Variants in CAPN13 observed in about 807,000 individuals in gnomAD.
The protein encoded by CAPN13 is calpain-13.
Under a neutral mutation model 98.4 loss-of-function variants are expected in CAPN13, and 90 were observed. The observed-to-expected ratio is 0.92, with a 90% confidence interval of 0.77 to 1.09. CAPN13 has a LOEUF of 1.09. CAPN13 is among the 50% of genes least tolerant of loss of function. The probability of loss-of-function intolerance (pLI) is 0.00; values close to 1 mark genes in which losing one functional copy is unlikely to be tolerated. For synonymous variants in CAPN13, 330 were observed against 305.5 expected, an observed-to-expected ratio of 1.08 and a Z score of -0.84; for missense variants, 887 against 841.3, an observed-to-expected ratio of 1.05 and a Z score of -0.67.
At chr2:30,753,220 C>T (rs543854282) in intron 9 of CAPN13, 22 bp from the exon 10 acceptor site, 2 of 1,613,018 alleles carry the variant, frequency 1.2e-6, no homozygotes, top group East Asian at 4.5e-5. Flanking sequence ...AGATATACAT[C>T]ACTCAGTGAC....
intron 18 of CAPN13, among the ~76,000 whole-genome samples, chr2:30,735,496 G>T (rs941602251): frequency 6.6e-6 from 1 of 152,218 alleles, no homozygotes; most frequent in African/African-American, 2.4e-5. Context: ...GAATTCATTC[G>T]TTCATTCGGA....
chr2:30,793,416 A>G (rs1014321281), intron 1 of CAPN13, among the ~76,000 whole-genome samples: 1 of 151,724 alleles, frequency 6.6e-6, no homozygotes, highest in Non-Finnish European at 1.5e-5. Flanking sequence ...AAAAACTATA[A>G]AACATTGCTG....
In CAPN13 at chr2:30,763,096, TCA is replaced by T. The variant is rs759647453; in HGVS notation, c.758_759del (p.Val253AspfsTer4). ...NGLVSLHAYTVTGAEQIQYRR... is the reference protein window; with the variant it reads ...NGLVSLHAYTXTGAEQIQYRR... ...GCCAGCCTTACCTGCTCAGCCCCAGTCACAGTGTAGGCATGGAGACTCACCAG... is the reference window on the plus strand; with the variant it reads ...GCCAGCCTTACCTGCTCAGCCCCAGTCAGTGTAGGCATGGAGACTCACCAG... On this transcript the variant is annotated frameshift_variant, in exon 7 of 23. Transcript: ENST00000295055. LOFTEE classifies it high-confidence loss of function. 5.3e-5 allele frequency: 85 copies of T among 1,609,846 alleles called. No homozygotes were observed. In the East Asian group the frequency reaches 1.8e-3, roughly 35 times the overall value.
chr2:30,781,403 C>T (rs749046892), intron 2 of CAPN13, among the ~76,000 whole-genome samples: 8 of 152,170 alleles, frequency 5.3e-5, no homozygotes, highest in African/African-American at 1.2e-4. Context: ...AACTGCATCA[C>T]GGAGCGCCCA....
At chr2:30,735,086 T>A (rs1671291602) in intron 18 of CAPN13, among the ~76,000 whole-genome samples, 1 of 152,212 alleles carries the variant, frequency 6.6e-6, no homozygotes, top group South Asian at 2.1e-4. Flanking sequence ...AGGTTAGAAT[T>A]GCTTCCTGGA....
At chr2:30,763,245 T>C in intron 6 of CAPN13, 89 bp from the exon 7 acceptor site, 1 of 1,168,564 alleles carries the variant, frequency 8.6e-7, no homozygotes, top group Non-Finnish European at 1.2e-6. Flanking sequence ...CACTGAGCCA[T>C]CTGGGCCTCA....
rs146207940 is a variant in CAPN13, at chr2:30,791,000, A to G, written c.-32-3643T>C. ...CTTAAAGACCTTATCTCTAGGTACA[A>G]TCATGTTGGGGGTTAGGGTTTCATA... On this transcript the variant is annotated intron_variant, in intron 1 of 22. Coordinates refer to ENST00000295055, the MANE Select transcript of CAPN13 (RefSeq NM_144575.3). Among the ~76,000 whole-genome samples the G allele has an allele frequency of 4.8e-3, 730 of 152,074 alleles. 10 individuals are homozygous for G. The highest frequency in any genetic ancestry group is 0.016 in the African/African-American group (658 of 41,444).
rs144234179 is a variant in CAPN13 at position 30,802,405 on chromosome 2, T to C, written c.-33+4897A>G. Among the ~76,000 whole-genome samples, 436 of 152,162 alleles carry C rather than the reference T, an allele frequency of 2.9e-3. 2 individuals carry two copies. The highest frequency in any genetic ancestry group is 0.017 in the Middle Eastern group (5 of 294). ...GTTTTTCAAAAACAAGAGCTTTCTA[T>C]ATTAAATATGTCAAAAAGCAACATG... On this transcript the variant is annotated intron_variant, in intron 1 of 22. Coordinates refer to ENST00000295055, the MANE Select transcript of CAPN13 (RefSeq NM_144575.3).
intron 22 of CAPN13, among the ~76,000 whole-genome samples, chr2:30,723,998 T>A (rs554804832): frequency 1.3e-5 from 2 of 152,354 alleles, no homozygotes; most frequent in African/African-American, 4.8e-5. Flanking sequence ...TTTACCTCCA[T>A]ATTTCTAGGT....
chr2:30,764,375 A>G, intron 5 of CAPN13, 69 bp from the exon 6 acceptor site: 1 of 1,532,052 alleles, frequency 6.5e-7, no homozygotes, highest in Non-Finnish European at 8.9e-7. Flanking sequence ...GAGCTTGTGC[A>G]CTGATCCTCT....
chr2:30,806,514 C>T lies in CAPN13; in HGVS notation c.-33+788G>A, dbSNP rs141102661. The stretch of plus-strand genomic sequence containing the variant: ...GATTGAAAGTCTAGTTAATGCCACT[C>T]GGGGGTAACCAAAGTTGTGTTTGTG... On this transcript the variant is annotated intron_variant, in intron 1 of 22. Transcript: ENST00000295055. Among the ~76,000 whole-genome samples the T allele has an allele frequency of 2.2e-4, 34 of 152,270 alleles. 1 individual carries two copies. Among genetic ancestry groups the T allele is most frequent in the Admixed American group, 1.7e-3 (26 of 15,294 alleles).
At chr2:30,805,264 G>T (rs1438025992) in intron 1 of CAPN13, among the ~76,000 whole-genome samples, 1 of 152,186 alleles carries the variant, frequency 6.6e-6, no homozygotes, top group East Asian at 1.9e-4. Flanking sequence ...AAGGCACAAT[G>T]CATCTGCAAC....
chr2:30,759,376 C>A (rs1672703875), intron 7 of CAPN13, among the ~76,000 whole-genome samples: 1 of 152,196 alleles, frequency 6.6e-6, no homozygotes, highest in Non-Finnish European at 1.5e-5. Context: ...GTGACAACAA[C>A]ACAGCAGCCA....
Position 30,743,441 on chromosome 2 carries a change from G to T in CAPN13, c.1387C>A (p.Arg463=). The change falls in exon 13 of 23, where the codon CGG becomes AGG. Residue 463 remains arginine (R), a synonymous_variant. Transcript: ENST00000295055. ...AGCAAGAACTCCGCTGATTTTCTCCGTGTCTGTGCAACCACAACATAGTTC... is the reference window on the plus strand; with the variant it reads ...AGCAAGAACTCCGCTGATTTTCTCCTTGTCTGTGCAACCACAACATAGTTC... ...PGNYVVVAQT[R]RKSAEFLLRI... 6.2e-7 allele frequency: 1 copy of T among 1,613,974 alleles called. No homozygotes were observed. The highest frequency in any genetic ancestry group is 1.1e-5 in the South Asian group (1 of 91,086).
chr2:30,730,647 A>G (rs570574266), intron 22 of CAPN13, 83 bp downstream of exon 22: 1 of 732,524 alleles, frequency 1.4e-6, no homozygotes, highest in East Asian at 2.5e-5. Context: ...TCTCCCAAGG[A>G]GAGAGTCTTA....
At chr2:30,798,137 T>C (rs1011584066) in intron 1 of CAPN13, among the ~76,000 whole-genome samples, 1 of 152,276 alleles carries the variant, frequency 6.6e-6, no homozygotes, top group African/African-American at 2.4e-5. Flanking sequence ...TACGTAGCTA[T>C]TGAGCACTTG....
rs756279873 is a variant in CAPN13, at chr2:30,787,167, C to G, written c.159G>C (p.Gln53His). 6.3e-7 allele frequency: 1 copy of G among 1,584,134 alleles called. No individual in the cohort carries two copies. Among genetic ancestry groups the G allele is most frequent in the South Asian group, 1.2e-5 (1 of 86,284 alleles). The stretch of plus-strand genomic sequence containing the variant: ...ATATCACATTGGAGAGGCGTTTTTC[C>G]TGGAGCAGCTTCTGGCCTATGGAAG... ...ADSSIGQKLL[Q>H]EKRLSNVIWK... The change falls in exon 2 of 23, where the codon CAG (glutamine) becomes CAC (histidine). Residue 53 changes from glutamine to histidine, a missense_variant. Coordinates refer to ENST00000295055, the MANE Select transcript of CAPN13 (RefSeq NM_144575.3).
At chr2:30,806,060 G>A (rs967869701) in intron 1 of CAPN13, 13 of 152,166 alleles carry the variant, frequency 8.5e-5, no homozygotes, top group African/African-American at 2.7e-4. Flanking sequence ...GATTACAGGT[G>A]TGAGCCACAG....
rs538910822 is a variant in CAPN13 at position 30,754,505 on chromosome 2, C to G, written c.867-141G>C. On this transcript the variant is annotated intron_variant, in intron 8 of 22. Transcript: ENST00000295055. ...AGTGTCATCCTACCTAGGACAGGAC[C>G]CAGTTATTCTCTACCTGTTGACGAC... The G allele has an allele frequency of 2.6e-4, 153 of 584,118 alleles. 1 individual carries two copies. In the African/African-American group the frequency reaches 2.7e-3, roughly 10 times the overall value. The allele number at this position is 584,118 out of a possible 1,614,324, so 36.2% of individuals were successfully genotyped here.
Sources: gnomAD v4.1 joint callset for allele counts (sites outside exome capture counted in the v4.1 genomes callset) on GRCh38, gnomAD v4.1.1 for gene constraint, MANE v1.5 for transcripts, NCBI Gene and HGNC (gene_info 2026-07-23, HGNC 2026-07-21) for gene names.